Variants in CCSER1 observed in about 807,000 individuals in gnomAD.
CCSER1 encodes serine-rich coiled-coil domain-containing protein 1.
A neutral mutation model predicts 82.0 loss-of-function variants in CCSER1; 41 were observed. That is an observed-to-expected ratio of 0.50 (90% CI 0.39 to 0.65). CCSER1 has a LOEUF of 0.65. Ranked by LOEUF, CCSER1 falls within the 30% of genes least tolerant of loss-of-function variation. The pLI is 0.00. For missense variants in CCSER1, 1,119 were observed against 1,064.2 expected (o/e 1.05, Z -0.72); for synonymous variants, 414 against 383.9 (o/e 1.08, Z -0.92).
chr4:90,883,780 A>C (rs1190773446), intron 8 of CCSER1, among the ~76,000 whole-genome samples: 1 of 152,190 alleles, frequency 6.6e-6, no homozygotes, highest in African/African-American at 2.4e-5. Context: ...TTCAGATGGA[A>C]TATATCTGAA....
chr4:91,376,245 T>C (rs1458319486), intron 10 of CCSER1, among the ~76,000 whole-genome samples: 1 of 152,162 alleles, frequency 6.6e-6, no homozygotes, highest in South Asian at 2.1e-4. Context: ...TGTTAGGTGA[T>C]TGCATCATTG....
chr4:91,381,676 G>A (rs1051633485), intron 10 of CCSER1, among the ~76,000 whole-genome samples: 2 of 152,184 alleles, frequency 1.3e-5, no homozygotes, highest in South Asian at 2.1e-4. Flanking sequence ...TAGCTTCTTT[G>A]TGATGGGTTC....
chr4:91,450,805 T>TA (rs561543802), intron 10 of CCSER1, among the ~76,000 whole-genome samples: 120 of 151,886 alleles, frequency 7.9e-4, no homozygotes, highest in African/African-American at 2.6e-3. Flanking sequence ...TACTCAATGC[T>TA]AAAAAAATGT....
chr4:90,456,500 C>A (rs1762180928), intron 4 of CCSER1, among the ~76,000 whole-genome samples: 1 of 152,148 alleles, frequency 6.6e-6, no homozygotes, highest in African/African-American at 2.4e-5. Flanking sequence ...GTTCAGAGGC[C>A]TTTGGATAAC....
intron 8 of CCSER1, among the ~76,000 whole-genome samples, chr4:90,905,788 A>G (rs1258486078): frequency 6.6e-6 from 1 of 152,088 alleles, no homozygotes; most frequent in Non-Finnish European, 1.5e-5. Flanking sequence ...CTCTTCTGCT[A>G]GCTGTATAGT....
At chr4:91,446,676 A>ATGT in intron 10 of CCSER1, among the ~76,000 whole-genome samples, 1 of 142,544 alleles carries the variant, frequency 7.0e-6, no homozygotes, top group Non-Finnish European at 1.5e-5. Context: ...TAAATAAATA[A>ATGT]ATATATATAT....
chr4:91,521,196 C>A (rs769239047), intron 10 of CCSER1, among the ~76,000 whole-genome samples: 1 of 152,084 alleles, frequency 6.6e-6, no homozygotes, highest in Non-Finnish European at 1.5e-5. Flanking sequence ...CATGCATGTC[C>A]CTGCAAAGGA....
intron 1 of CCSER1, among the ~76,000 whole-genome samples, chr4:90,301,663 T>G (rs925137984): frequency 1.3e-4 from 20 of 152,144 alleles, no homozygotes; most frequent in African/African-American, 4.6e-4. Flanking sequence ...TGGATAGGTC[T>G]AGTTCAACCT....
intron 5 of CCSER1, among the ~76,000 whole-genome samples, chr4:90,579,430 A>C (rs111772957): frequency 0.017 from 2,641 of 152,294 alleles, 77 homozygotes; most frequent in African/African-American, 0.057. Context: ...GCTACCAATG[A>C]CATAAAATCA....
intron 1 of CCSER1, among the ~76,000 whole-genome samples, chr4:90,258,373 G>A (rs1056348395): frequency 4.6e-5 from 7 of 152,182 alleles, no homozygotes; most frequent in Admixed American, 6.5e-5. Flanking sequence ...TTAGCTGGGC[G>A]TGGTGGTGCA....
chr4:91,070,793 AG>A (rs1403303079), intron 9 of CCSER1, among the ~76,000 whole-genome samples: 1 of 152,168 alleles, frequency 6.6e-6, no homozygotes, highest in African/African-American at 2.4e-5. Context: ...GGTGCCAAAA[AG>A]GTTGGGAACC....
chr4:91,181,880 C>T (rs1266150835), intron 10 of CCSER1, among the ~76,000 whole-genome samples: 1 of 152,130 alleles, frequency 6.6e-6, no homozygotes, highest in Non-Finnish European at 1.5e-5. Flanking sequence ...GTAACTGTGT[C>T]ATAGAGTGAT....
chr4:91,597,054 A>G (rs111819533), intron 10 of CCSER1, among the ~76,000 whole-genome samples: 93 of 152,124 alleles, frequency 6.1e-4, no homozygotes, highest in African/African-American at 2.2e-3. Flanking sequence ...TCATATTACA[A>G]TGTTTTTCTG....
chr4:90,753,696 A>C (rs551823313), intron 7 of CCSER1, among the ~76,000 whole-genome samples: 12 of 152,234 alleles, frequency 7.9e-5, no homozygotes, highest in Non-Finnish European at 1.3e-4. Flanking sequence ...TTTTAAAAAA[A>C]TAAATTGGAT....
intron 1 of CCSER1, among the ~76,000 whole-genome samples, chr4:90,302,537 A>T (rs964632217): frequency 6.6e-6 from 1 of 152,202 alleles, no homozygotes; most frequent in Non-Finnish European, 1.5e-5. Context: ...GCAGTGGCTC[A>T]TGCCTGTACT....
At chr4:90,619,127 G>C (rs959405372) in intron 5 of CCSER1, among the ~76,000 whole-genome samples, 2 of 151,676 alleles carry the variant, frequency 1.3e-5, no homozygotes, top group African/African-American at 4.8e-5. Context: ...AAATGTATTT[G>C]ACAGTAAATA....
At chr4:90,448,184 T>C (rs1212250620) in intron 4 of CCSER1, among the ~76,000 whole-genome samples, 1 of 151,954 alleles carries the variant, frequency 6.6e-6, no homozygotes, top group Non-Finnish European at 1.5e-5. Flanking sequence ...ATAGCAATTT[T>C]AAGTTAAGCA....
chr4:90,305,690 A>G (rs1255292123), intron 1 of CCSER1, among the ~76,000 whole-genome samples: 1 of 152,188 alleles, frequency 6.6e-6, no homozygotes, highest in African/African-American at 2.4e-5. Context: ...TTTAAATTCA[A>G]ATTCATATGG....
chr4:91,387,730 A>T (rs1010592058), intron 10 of CCSER1, among the ~76,000 whole-genome samples: 9 of 148,228 alleles, frequency 6.1e-5, no homozygotes, highest in African/African-American at 2.2e-4. Flanking sequence ...ACTAAATGAT[A>T]AAAAAATGAT....
Sources: gnomAD v4.1 joint callset for allele counts (sites outside exome capture counted in the v4.1 genomes callset) on GRCh38, gnomAD v4.1.1 for gene constraint, MANE v1.5 for transcripts, NCBI Gene and HGNC (gene_info 2026-07-23, HGNC 2026-07-21) for gene names.